AFAP1: variants seen among roughly 807,000 people sequenced by gnomAD.
The protein encoded by AFAP1 is actin filament-associated protein 1.
Under a neutral mutation model 93.9 loss-of-function variants are expected in AFAP1, and 75 were observed. The ratio of observed to expected loss-of-function variants is 0.80; its 90% CI spans 0.66 to 0.97. AFAP1 has a LOEUF of 0.97. Ranked by LOEUF, AFAP1 falls within the 50% of genes least tolerant of loss-of-function variation. AFAP1 has a pLI of 0.00. For missense variants in AFAP1, 1,201 were observed against 1,050.8 expected, an observed-to-expected ratio of 1.14 and a Z score of -1.98; for synonymous variants, 517 against 430.7, an observed-to-expected ratio of 1.20 and a Z score of -2.48.
intron 1 of AFAP1, among the ~76,000 whole-genome samples, chr4:7,873,756 T>C (rs1191009159): frequency 2.6e-5 from 4 of 152,234 alleles, no homozygotes; most frequent in South Asian, 4.1e-4. Flanking sequence ...TTGTGAGTGT[T>C]TGAGTTCCAA....
chr4:7,787,263 G>A (rs893476617), intron 11 of AFAP1, among the ~76,000 whole-genome samples: 7 of 152,240 alleles, frequency 4.6e-5, no homozygotes, highest in Non-Finnish European at 8.8e-5. Flanking sequence ...GCGAGGGCAC[G>A]GGAGCGCTGT....
At chr4:7,838,811 T>G in intron 5 of AFAP1, 108 bp from the exon 6 acceptor site, 1 of 1,234,830 alleles carries the variant, frequency 8.1e-7, no homozygotes. Flanking sequence ...CATCTGAAAG[T>G]CTGAATCTGC....
intron 17 of AFAP1, among the ~76,000 whole-genome samples, chr4:7,765,265 C>T (rs967790728): frequency 6.6e-6 from 1 of 152,190 alleles, no homozygotes; most frequent in Non-Finnish European, 1.5e-5. Context: ...TTTGTATCTG[C>T]TTCTCTCTAC....
At chr4:7,897,829 C>T (rs1718878848) in intron 1 of AFAP1, among the ~76,000 whole-genome samples, 3 of 152,152 alleles carry the variant, frequency 2.0e-5, no homozygotes, top group Admixed American at 6.5e-5. Flanking sequence ...AGCCACCGCA[C>T]CCAGGCAACA....
intron 6 of AFAP1, among the ~76,000 whole-genome samples, chr4:7,822,959 C>T (rs1332772471): frequency 6.6e-6 from 1 of 151,938 alleles, no homozygotes; most frequent in Non-Finnish European, 1.5e-5. Flanking sequence ...TTCCCAGCAG[C>T]CTCTTGGGTA....
chr4:7,924,553 C>T (rs957018711), intron 1 of AFAP1, among the ~76,000 whole-genome samples: 62 of 152,276 alleles, frequency 4.1e-4, no homozygotes, highest in African/African-American at 5.5e-4. Context: ...TAAATGTGAA[C>T]GTGAAAACTG....
At chr4:7,904,501 G>A (rs1719289396) in intron 1 of AFAP1, among the ~76,000 whole-genome samples, 1 of 152,080 alleles carries the variant, frequency 6.6e-6, no homozygotes, top group Admixed American at 6.5e-5. Flanking sequence ...GTGCACTCAC[G>A]AGGTGCCAGG....
In AFAP1 at chr4:7,812,363, A is replaced by G. The variant is rs143880005; in HGVS notation, c.905-2600T>C. On this transcript the variant is annotated intron_variant, in intron 8 of 17. Coordinates refer to ENST00000420658, the MANE Select transcript of AFAP1 (RefSeq NM_001134647.2). Reference sequence around the variant, plus strand: ...CAGATGAACGCCCAACTTGACCGACAAAGTGCTTGCTCGACTCTGACTGCA... The same window carrying G: ...CAGATGAACGCCCAACTTGACCGACGAAGTGCTTGCTCGACTCTGACTGCA... Among the ~76,000 whole-genome samples, 58 of 152,228 alleles carry G rather than the reference A, an allele frequency of 3.8e-4. No homozygotes were observed. In the East Asian group the frequency reaches 9.7e-3, roughly 25 times the overall value.
rs187981836 is a variant in AFAP1, at chr4:7,911,937, T to C, written c.-3+27719A>G. 8.5e-5 allele frequency among the ~76,000 whole-genome samples: 13 copies of C among 152,342 alleles called. No individual in the cohort carries two copies. In the East Asian group the frequency reaches 2.3e-3, roughly 27 times the overall value. The stretch of plus-strand genomic sequence containing the variant: ...CAATGGCAACACGGGGAATGAAATA[T>C]AGAAAGGATTCCATGATAAGGCAGA... On this transcript the variant is annotated intron_variant, in intron 1 of 17. Coordinates refer to ENST00000420658, the MANE Select transcript of AFAP1 (RefSeq NM_001134647.2).
intron 17 of AFAP1, among the ~76,000 whole-genome samples, chr4:7,767,609 G>T (rs572286550): frequency 1.3e-5 from 2 of 152,098 alleles, no homozygotes; most frequent in Non-Finnish European, 2.9e-5. Context: ...CGACACACAC[G>T]GTCTTCAGTA....
chr4:7,812,295 G>GC (rs567494772), intron 8 of AFAP1, among the ~76,000 whole-genome samples: 1,534 of 151,666 alleles, frequency 0.01, 7 homozygotes, highest in South Asian at 0.015. Flanking sequence ...AGATAATGTG[G>GC]CCCCCCCCAG....
intron 2 of AFAP1, among the ~76,000 whole-genome samples, chr4:7,869,044 A>T (rs1419679978): frequency 6.6e-6 from 1 of 151,738 alleles, no homozygotes; most frequent in Non-Finnish European, 1.5e-5. Flanking sequence ...GAAAGAAAAG[A>T]AAAGAGAAAG....
In AFAP1 at chr4:7,778,913, C is replaced by T. The variant is rs545100952; in HGVS notation, c.1783-37G>A. The T allele has an allele frequency of 3.3e-4, 482 of 1,445,862 alleles. 6 individuals carry two copies. In the South Asian group the frequency reaches 5.4e-3, roughly 16 times the overall value. The allele number at this position is 1,445,862 out of a possible 1,614,324, so 89.6% of individuals were successfully genotyped here. A position where few individuals can be genotyped will look rare whatever the true frequency, so the allele number is the denominator to read the frequency against. ...AACATATAAGAACATTAAAAATAAA[C>T]ACAAAGTCAAACAAATCTTGGTCTT... On this transcript the variant is annotated intron_variant, in intron 13 of 17. Coordinates refer to ENST00000420658, the MANE Select transcript of AFAP1 (RefSeq NM_001134647.2).
Position 7,800,334 on chromosome 4 carries a change from G to A in AFAP1, c.1266+108C>T, listed in dbSNP as rs1165197709. ...AGAGGGTGGGCCCAAAAGAGGTACT[G>A]TCAGCGAGATGGGAGGAATTTTGAT... On this transcript the variant is annotated intron_variant, in intron 10 of 17. Transcript: ENST00000420658. The A allele has an allele frequency of 1.4e-5, 16 of 1,169,252 alleles. No homozygotes were observed. The East Asian group carries it at 4.1e-4, about 30-fold the overall frequency. The allele number at this position is 1,169,252 out of a possible 1,614,324, so 72.4% of individuals were successfully genotyped here.
intron 9 of AFAP1, among the ~76,000 whole-genome samples, chr4:7,806,289 TGA>T (rs1719507758): frequency 1.3e-5 from 2 of 152,204 alleles, no homozygotes; most frequent in Non-Finnish European, 2.9e-5. Flanking sequence ...GAAAGGCAAT[TGA>T]GAGACTTTGG....
intron 1 of AFAP1, among the ~76,000 whole-genome samples, chr4:7,880,183 T>C (rs1487927593): frequency 6.6e-6 from 1 of 151,918 alleles, no homozygotes; most frequent in Admixed American, 6.6e-5. Flanking sequence ...TTATGGTTTG[T>C]GGGAACCAAA....
chr4:7,933,499 A>G (rs145926833), intron 1 of AFAP1, among the ~76,000 whole-genome samples: 3,750 of 152,188 alleles, frequency 0.025, 142 homozygotes, highest in African/African-American at 0.084. Context: ...CTTGAACCCC[A>G]GAGGCAGACG....
At chr4:7,843,072 A>G in intron 5 of AFAP1, 67 bp downstream of exon 5, 1 of 1,529,096 alleles carries the variant, frequency 6.5e-7, no homozygotes, top group African/African-American at 1.4e-5. Flanking sequence ...TGGTGACTGG[A>G]TATAAACGCC....
At chr4:7,827,095 G>C (rs1721488253) in intron 6 of AFAP1, among the ~76,000 whole-genome samples, 1 of 152,160 alleles carries the variant, frequency 6.6e-6, no homozygotes, top group Non-Finnish European at 1.5e-5. Flanking sequence ...TCTCAGAAAA[G>C]ATGACGTCAT....
Sources: gnomAD v4.1 joint callset for allele counts (sites outside exome capture counted in the v4.1 genomes callset) on GRCh38, gnomAD v4.1.1 for gene constraint, MANE v1.5 for transcripts, NCBI Gene and HGNC (gene_info 2026-07-23, HGNC 2026-07-21) for gene names.